SMOC1: variants seen among roughly 807,000 people sequenced by gnomAD.
SMOC1 encodes SPARC related modular calcium binding 1.
In SMOC1, 22 loss-of-function variants were observed where a neutral mutation model predicts 56.3. The ratio of observed to expected loss-of-function variants is 0.39; its 90% CI spans 0.28 to 0.56. The LOEUF is 0.56. Among genes scored for constraint, SMOC1 ranks in the 20% least tolerant of loss-of-function variants. SMOC1 has a pLI of 0.61. For synonymous variants in SMOC1, 193 were observed against 215.0 expected (o/e 0.90, Z 0.89); for missense variants, 509 against 565.4 (o/e 0.90, Z 1.01).
At chr14:70,004,903 C>T (rs1373185604) in intron 7 of SMOC1, among the ~76,000 whole-genome samples, 4 of 152,216 alleles carry the variant, frequency 2.6e-5, no homozygotes, top group Non-Finnish European at 4.4e-5. Flanking sequence ...CCACCCGTCT[C>T]CCCCTTTGAC....
intron 7 of SMOC1, among the ~76,000 whole-genome samples, chr14:69,999,067 G>A (rs1334910128): frequency 6.6e-6 from 1 of 152,210 alleles, no homozygotes; most frequent in Non-Finnish European, 1.5e-5. Context: ...AGGTGGAAAT[G>A]CATTTCTTTT....
chr14:69,921,343 C>T (rs1197865150), intron 1 of SMOC1, among the ~76,000 whole-genome samples: 1 of 152,132 alleles, frequency 6.6e-6, no homozygotes, highest in African/African-American at 2.4e-5. Context: ...TAGGCCTGGA[C>T]CTTCCCAGGG....
chr14:70,025,331 A>G (rs555705557), intron 11 of SMOC1, among the ~76,000 whole-genome samples: 1 of 152,228 alleles, frequency 6.6e-6, no homozygotes, highest in South Asian at 2.1e-4. Context: ...AACCCAAAGA[A>G]TAGCATGGGA....
chr14:69,956,974 C>A (rs1177601347), intron 3 of SMOC1, among the ~76,000 whole-genome samples: 1 of 132,084 alleles, frequency 7.6e-6, no homozygotes, highest in Non-Finnish European at 1.6e-5. Context: ...TTTGTATGGA[C>A]TTCATCACTC....
At chr14:69,887,158 C>A (rs1594786269) in intron 1 of SMOC1, among the ~76,000 whole-genome samples, 1 of 152,034 alleles carries the variant, frequency 6.6e-6, no homozygotes, top group East Asian at 1.9e-4. Flanking sequence ...AAGTGAACAA[C>A]AGTGACATGC....
chr14:69,902,598 GCCCTCT>G (rs1022012464), intron 1 of SMOC1, among the ~76,000 whole-genome samples: 4 of 151,694 alleles, frequency 2.6e-5, no homozygotes, highest in East Asian at 1.9e-4. Context: ...AAACCATCTA[GCCCTCT>G]CCCTCTCCCT....
intron 3 of SMOC1, among the ~76,000 whole-genome samples, chr14:69,967,439 C>T (rs2139482286): frequency 6.6e-6 from 1 of 152,202 alleles, no homozygotes; most frequent in East Asian, 1.9e-4. Context: ...AACACAAATT[C>T]GTAAACCTTC....
chr14:70,028,364 C>G, intron 11 of SMOC1, among the ~76,000 whole-genome samples: 1 of 152,182 alleles, frequency 6.6e-6, no homozygotes, highest in East Asian at 1.9e-4. Context: ...TCCCTGATGG[C>G]TCAGAGCATG....
intron 7 of SMOC1, among the ~76,000 whole-genome samples, chr14:69,994,702 T>A (rs1292348737): frequency 6.6e-6 from 1 of 152,232 alleles, no homozygotes; most frequent in East Asian, 1.9e-4. Flanking sequence ...TTGATCCTCT[T>A]AACAAATTTC....
intron 10 of SMOC1, among the ~76,000 whole-genome samples, chr14:70,013,922 T>G (rs1885421588): frequency 6.6e-6 from 1 of 152,188 alleles, no homozygotes; most frequent in African/African-American, 2.4e-5. Flanking sequence ...TTTGGCATCC[T>G]GAGAATTCCA....
chr14:70,014,649 G>A (rs1885445850), intron 10 of SMOC1, among the ~76,000 whole-genome samples: 1 of 152,314 alleles, frequency 6.6e-6, no homozygotes, highest in South Asian at 2.1e-4. Context: ...AGCCAGAAGG[G>A]GAAGCACAGC....
At chr14:69,961,579 G>A (rs1883382660) in intron 3 of SMOC1, among the ~76,000 whole-genome samples, 1 of 151,638 alleles carries the variant, frequency 6.6e-6, no homozygotes, top group Non-Finnish European at 1.5e-5. Context: ...ATGGGGTTTT[G>A]CCATGTTGCC....
At chr14:69,906,737 C>A (rs944720479) in intron 1 of SMOC1, among the ~76,000 whole-genome samples, 2 of 152,088 alleles carry the variant, frequency 1.3e-5, no homozygotes, top group African/African-American at 4.8e-5. Flanking sequence ...CAGTGAACAC[C>A]TAAGAGACAT....
chr14:70,012,127 T>A (rs75732993), intron 9 of SMOC1, among the ~76,000 whole-genome samples: 2 of 152,196 alleles, frequency 1.3e-5, no homozygotes, highest in African/African-American at 4.8e-5. Context: ...TGGAATCTTA[T>A]TGTCTTTACA....
intron 7 of SMOC1, among the ~76,000 whole-genome samples, chr14:70,006,813 T>C (rs1885162944): frequency 1.3e-5 from 2 of 152,192 alleles, no homozygotes; most frequent in African/African-American, 4.8e-5. Flanking sequence ...CTTTCCTCAC[T>C]GTGGCCTCTT....
chr14:69,963,745 C>T (rs146011634), intron 3 of SMOC1, among the ~76,000 whole-genome samples: 1 of 152,320 alleles, frequency 6.6e-6, no homozygotes, highest in African/African-American at 2.4e-5. Flanking sequence ...AGTGAGTGAA[C>T]AATCTCAGTT....
At chr14:69,922,631 C>T (rs930092131) in intron 1 of SMOC1, among the ~76,000 whole-genome samples, 1 of 152,158 alleles carries the variant, frequency 6.6e-6, no homozygotes, top group Admixed American at 6.5e-5. Flanking sequence ...CCCCTCCAGA[C>T]CTAGTGAATG....
intron 1 of SMOC1, among the ~76,000 whole-genome samples, chr14:69,950,343 T>G (rs1291001878): frequency 1.3e-5 from 2 of 152,216 alleles, no homozygotes; most frequent in Admixed American, 1.3e-4. Flanking sequence ...GTGTGGGGTG[T>G]GTATTTCCAG....
Position 70,030,249 on chromosome 14 carries a change from C to T in SMOC1, c.1299C>T (p.Arg433=), listed in dbSNP as rs371835543. Residue 433 remains arginine (R), a synonymous_variant, in exon 12 of 12, where the codon CGC becomes CGT. Coordinates refer to ENST00000361956, the MANE Select transcript of SMOC1 (RefSeq NM_001034852.3). ...GCLGVSKEVG[R]LV ...TCTCCTTCCTTCTCTCAGTAGGACG[C>T]CTCGTCTAAGGAGCAGAAAACCCAA... The T allele has an allele frequency of 1.2e-6, 2 of 1,612,070 alleles. No homozygotes were observed. Among genetic ancestry groups the T allele is most frequent in the East Asian group, 2.2e-5 (1 of 44,804 alleles).
Sources: gnomAD v4.1 joint callset for allele counts (sites outside exome capture counted in the v4.1 genomes callset) on GRCh38, gnomAD v4.1.1 for gene constraint, MANE v1.5 for transcripts, NCBI Gene and HGNC (gene_info 2026-07-23, HGNC 2026-07-21) for gene names.